LAS1L: variants seen among roughly 807,000 people sequenced by gnomAD.
The protein encoded by LAS1L is LAS1 like ribosome biogenesis factor, also known as ribosomal biogenesis protein LAS1L.
A neutral mutation model predicts 57.3 loss-of-function variants in LAS1L; 5 were observed. The observed-to-expected ratio is 0.09, with a 90% CI of 0.05 to 0.18. The LOEUF (loss-of-function observed/expected upper bound fraction) is 0.18, where lower values mean the gene tolerates loss of function less well. Ranked by LOEUF, LAS1L falls within the 10% of genes least tolerant of loss-of-function variation. The pLI is 1.00. For synonymous variants in LAS1L, 245 were observed against 231.7 expected (o/e 1.06, Z -0.52); for missense variants, 360 against 568.3 (o/e 0.63, Z 3.73).
At chrX:65,516,938 C>G (rs950554958) in intron 12 of LAS1L, among the ~76,000 whole-genome samples, 5 of 111,233 alleles carry the variant, frequency 4.5e-5, no homozygotes, top group Non-Finnish European at 9.4e-5. Flanking sequence ...CTCTCTGCCA[C>G]TGCACACCCC....
rs747306514 is a variant in LAS1L at position 65,518,053 on chromosome X, C to T, written c.1861G>A (p.Glu621Lys). ...FSTGQESPTA[E>K]NARLLAQKRG... ...TTCTGGGCCAGAAGCCTAGCATTCT[C>T]GGCAGTGGGGGACTCTTGCCCTGTA... is the stretch of plus-strand genomic sequence containing the variant. Residue 621 changes from glutamate to lysine, a missense_variant, in exon 12 of 14, where the codon GAG becomes AAG. This residue lies in a region of LAS1L where 123 missense variants were observed against 168.3 expected (regional missense o/e 0.73). Transcript: ENST00000374811. The T allele has an allele frequency of 6.6e-6, 8 of 1,210,464 alleles. No homozygotes were observed. The highest frequency in any genetic ancestry group is 4.4e-5 in the Admixed American group (2 of 45,879).
Position 65,523,695 on chromosome X carries a change from C to T in LAS1L, c.1313G>A (p.Arg438His), listed in dbSNP as rs1338441147. 4.2e-6 allele frequency: 5 copies of T among 1,188,990 alleles called. No individual in the cohort carries two copies. Among genetic ancestry groups the T allele is most frequent in the Admixed American group, 2.3e-5 (1 of 43,060 alleles). ...VANTKTGRNA[R>H]RFSAGQWEAR... ...TTCCCACTGGCCTGCAGAAAATCGG[C>T]GAGCATTCCGTCCTGAGAGAGAAGA... Residue 438 changes from arginine (R) to histidine (H), a missense_variant, in exon 11 of 14, where the codon CGC becomes CAC. Arg to His is a conservative substitution (Grantham distance 29). Coordinates refer to ENST00000374811, the MANE Select transcript of LAS1L (RefSeq NM_031206.7).
intron 12 of LAS1L, 85 bp from the exon 13 acceptor site, chrX:65,515,058 C>G: frequency 1.0e-6 from 1 of 967,410 alleles, no homozygotes; most frequent in Non-Finnish European, 1.4e-6. Context: ...TGTCCATCCA[C>G]CCACCCCACT....
At chrX:65,531,683 C>T (rs1293941230) in intron 3 of LAS1L, among the ~76,000 whole-genome samples, 2 of 112,253 alleles carry the variant, frequency 1.8e-5, no homozygotes, top group Non-Finnish European at 3.8e-5. Flanking sequence ...CACAGTGGCT[C>T]ATGCCTGTAA....
intron 7 of LAS1L, among the ~76,000 whole-genome samples, chrX:65,525,748 C>CAAAAAAAAAAAAAAAAAAAAAAAAAA (rs772564998): frequency 2.1e-4 from 8 of 38,227 alleles, no homozygotes; most frequent in African/African-American, 8.0e-4. Context: ...TCTGATTTTT[C>CAAAAAAAAAAAAAAAAAAAAAAAAAA]AAAAAAAAAA....
rs962512952 is a variant in LAS1L, at chrX:65,525,149, G to C, written c.957-99C>G. On this transcript the variant is annotated intron_variant, in intron 7 of 13. Transcript: ENST00000374811. Reference sequence around the variant, plus strand: ...AAAGCAGCTAATGCCTCTGGCTCAAGTGGCTGAAGCAGCATAGGGAGGAGG... The same window carrying C: ...AAAGCAGCTAATGCCTCTGGCTCAACTGGCTGAAGCAGCATAGGGAGGAGG... 1.6e-5 allele frequency: 11 copies of C among 676,818 alleles called. No individual in the cohort carries two copies. In the Middle Eastern group the frequency reaches 2.1e-3, roughly 127 times the overall value. The allele number at this position is 676,818 out of a possible 1,213,427, so 55.8% of individuals were successfully genotyped here. A position where few individuals can be genotyped will look rare whatever the true frequency, so the allele number is the denominator to read the frequency against.
Position 65,515,270 on chromosome X carries a change from G to A in LAS1L, c.1928-297C>T, listed in dbSNP as rs747309600. Among the ~76,000 whole-genome samples the A allele has an allele frequency of 1.3e-4, 14 of 111,156 alleles. 1 individual carries two copies. The highest frequency in any genetic ancestry group is 4.8e-4 in the Admixed American group (5 of 10,477). The stretch of plus-strand genomic sequence containing the variant: ...CTACTTCCCCAGGCATGTTCCACAC[G>A]GACACAAACAACAACTTCTGACCAG... On this transcript the variant is annotated intron_variant, in intron 12 of 13. Coordinates refer to ENST00000374811, the MANE Select transcript of LAS1L (RefSeq NM_031206.7).
At chrX:65,532,250 C>A (rs535253359) in intron 3 of LAS1L, among the ~76,000 whole-genome samples, 1 of 112,599 alleles carries the variant, frequency 8.9e-6, no homozygotes, top group African/African-American at 3.2e-5. Flanking sequence ...TGAGCTGTCT[C>A]CTCTCTCAGA....
intron 8 of LAS1L, 125 bp from the exon 9 acceptor site, chrX:65,524,739 C>T (rs2069034974): frequency 2.2e-6 from 1 of 448,397 alleles, no homozygotes; most frequent in African/African-American, 2.7e-5. Context: ...GACTCCCCGA[C>T]CCCACCCCAT....
intron 7 of LAS1L, among the ~76,000 whole-genome samples, chrX:65,527,691 G>T (rs1311073057): frequency 9.1e-6 from 1 of 109,710 alleles, no homozygotes; most frequent in Non-Finnish European, 1.9e-5. Flanking sequence ...AAACTAGCCA[G>T]GTGTGGTGGC....
intron 2 of LAS1L, among the ~76,000 whole-genome samples, 165 bp downstream of exon 2, chrX:65,533,445 T>C (rs1008728795): frequency 9.1e-6 from 1 of 109,975 alleles, no homozygotes; most frequent in Non-Finnish European, 1.9e-5. Context: ...TTGACGAGGG[T>C]ACCAAAAGCT....
In LAS1L at chrX:65,517,474, A is replaced by G. The variant is rs1426752705; in HGVS notation, c.1927+513T>C. Among the ~76,000 whole-genome samples, 5 of 109,045 alleles carry G rather than the reference A, an allele frequency of 4.6e-5. No individual in the cohort carries two copies. In the Admixed American group the frequency reaches 4.9e-4, roughly 11 times the overall value. 94.7% of individuals were successfully genotyped at this position (109,045 alleles called of 115,157 possible). A position where few individuals can be genotyped will look rare whatever the true frequency, so the allele number is the denominator to read the frequency against. ...CACCATGTTAGCCAGGATGGTCTCG[A>G]TCTCCTGACCTCGTGATCCGCCCGC... is the stretch of plus-strand genomic sequence containing the variant. On this transcript the variant is annotated intron_variant, in intron 12 of 13. Transcript: ENST00000374811.
At chrX:65,513,166 G>A (rs181855509) in intron 13 of LAS1L, among the ~76,000 whole-genome samples, 3 of 112,464 alleles carry the variant, frequency 2.7e-5, no homozygotes, top group Non-Finnish European at 3.8e-5. Context: ...CCAGATTAAA[G>A]CAGAGCTGTT....
rs190949399 is a variant in LAS1L at position 65,524,384 on chromosome X, G to A, written c.1094-122C>T. ...AGAGTGAGAGCAAGAGAATGTGTGCGCGCGCATGAGCCAAGCCCCCCACCA... is the reference window on the plus strand; with the variant it reads ...AGAGTGAGAGCAAGAGAATGTGTGCACGCGCATGAGCCAAGCCCCCCACCA... On this transcript the variant is annotated intron_variant, in intron 9 of 13. Coordinates refer to ENST00000374811, the MANE Select transcript of LAS1L (RefSeq NM_031206.7). 3.0e-3 allele frequency: 1,685 copies of A among 560,017 alleles called. 5 individuals are homozygous for A. Among genetic ancestry groups the A allele is most frequent in the Middle Eastern group, 0.011 (25 of 2,295 alleles). The allele number at this position is 560,017 out of a possible 1,213,427, so 46.2% of individuals were successfully genotyped here. A position where few individuals can be genotyped will look rare whatever the true frequency, so the allele number is the denominator to read the frequency against.
At chrX:65,520,115 AGG>A (rs1167987083) in intron 11 of LAS1L, among the ~76,000 whole-genome samples, 5 of 111,678 alleles carry the variant, frequency 4.5e-5, no homozygotes, top group Non-Finnish European at 9.4e-5. Flanking sequence ...CTGACCACTA[AGG>A]TGCGGGGGTG....
At chrX:65,524,010 T>A (rs375513406) in intron 10 of LAS1L, 46 bp downstream of exon 10, 1 of 1,124,689 alleles carries the variant, frequency 8.9e-7, no homozygotes, top group African/African-American at 1.8e-5. Flanking sequence ...CAGAGGCTCC[T>A]GCCTGGGCTG....
At chrX:65,531,514 A>T in intron 3 of LAS1L, 76 bp from the exon 4 acceptor site, 1 of 704,866 alleles carries the variant, frequency 1.4e-6, no homozygotes. Flanking sequence ...GAGATTAATT[A>T]TCCTGACCAC....
intron 11 of LAS1L, chrX:65,518,720 G>A (rs992982371): frequency 5.4e-5 from 30 of 559,797 alleles, no homozygotes; most frequent in Admixed American, 1.7e-4. Flanking sequence ...TTGTTGGGAG[G>A]AGTAAATAAG....
Position 65,524,095 on chromosome X carries a change from T to C in LAS1L, c.1261A>G (p.Arg421Gly). Residue 421 changes from arginine (R) to glycine (G), a missense_variant, in exon 10 of 14, where the codon AGA (arginine) becomes GGA (glycine). Physicochemically the swap from Arg to Gly is moderately radical, Grantham distance 125 (BLOSUM62 -2). Coordinates refer to ENST00000374811, the MANE Select transcript of LAS1L (RefSeq NM_031206.7). ...ISGIRPTYIL[R>G]WTVELIVANT... ...GCCACGATCAGTTCAACGGTCCATC[T>C]GAGGATGTAGGTAGGCCGGATCCCG... 1.7e-6 allele frequency: 2 copies of C among 1,211,288 alleles called. No homozygotes were observed. Among genetic ancestry groups the C allele is most frequent in the Non-Finnish European group, 2.2e-6 (2 of 895,246 alleles).
Sources: gnomAD v4.1 joint callset for allele counts (sites outside exome capture counted in the v4.1 genomes callset) on GRCh38, gnomAD v4.1.1 for gene constraint, gnomAD v4.1.1 regional missense constraint, MANE v1.5 for transcripts, NCBI Gene and HGNC (gene_info 2026-07-23, HGNC 2026-07-21) for gene names.